The following NCKAP5 variants were observed in gnomAD, a reference collection of about 807,000 sequenced individuals.
The protein encoded by NCKAP5 is NCK associated protein 5.
A neutral mutation model predicts 167.0 loss-of-function variants in NCKAP5; 92 were observed. That is an observed-to-expected ratio of 0.55 (90% CI 0.47 to 0.66). NCKAP5 has a LOEUF of 0.66. NCKAP5 is among the 30% of genes least tolerant of loss of function. The pLI is 0.00. For missense variants in NCKAP5, 2,378 were observed against 2,315.0 expected (o/e 1.03, Z -0.56); for synonymous variants, 891 against 877.4 (o/e 1.02, Z -0.27).
chr2:133,207,156 C>G (rs1170291641), intron 5 of NCKAP5, among the ~76,000 whole-genome samples: 2 of 152,052 alleles, frequency 1.3e-5, no homozygotes, highest in Non-Finnish European at 2.9e-5. Flanking sequence ...TTTAAAATCC[C>G]TAATAAAAAC....
At chr2:133,173,598 G>A (rs1039969011) in intron 5 of NCKAP5, among the ~76,000 whole-genome samples, 21 of 151,848 alleles carry the variant, frequency 1.4e-4, no homozygotes, top group African/African-American at 4.8e-4. Context: ...CCACCCACTG[G>A]TCCCCCTAAC....
chr2:133,200,662 A>T (rs1419078320), intron 5 of NCKAP5, among the ~76,000 whole-genome samples: 1 of 152,214 alleles, frequency 6.6e-6, no homozygotes, highest in Non-Finnish European at 1.5e-5. Context: ...CAATATCAAG[A>T]AAGCTAAAAG....
At chr2:133,343,488 A>G (rs563804353) in intron 3 of NCKAP5, among the ~76,000 whole-genome samples, 1 of 152,292 alleles carries the variant, frequency 6.6e-6, no homozygotes, top group South Asian at 2.1e-4. Flanking sequence ...AGTATAAGGC[A>G]AATATAAAAG....
At chr2:132,942,986 C>G (rs1249553011) in intron 8 of NCKAP5, among the ~76,000 whole-genome samples, 1 of 152,212 alleles carries the variant, frequency 6.6e-6, no homozygotes, top group African/African-American at 2.4e-5. Flanking sequence ...ATTCAGGAAT[C>G]TGATGATCTC....
intron 6 of NCKAP5, among the ~76,000 whole-genome samples, chr2:133,062,698 T>A (rs1017960711): frequency 3.9e-5 from 6 of 152,206 alleles, no homozygotes; most frequent in Non-Finnish European, 7.3e-5. Flanking sequence ...AAAATATATT[T>A]AAAAGATAGT....
At chr2:133,016,169 C>T (rs1445645793) in intron 6 of NCKAP5, among the ~76,000 whole-genome samples, 1 of 152,156 alleles carries the variant, frequency 6.6e-6, no homozygotes, top group Non-Finnish European at 1.5e-5. Context: ...TAGCCCCATG[C>T]TCCGCAGTAA....
At chr2:132,725,491 G>C (rs991181091) in intron 19 of NCKAP5, 136 bp downstream of exon 19, 62 of 1,115,284 alleles carry the variant, frequency 5.6e-5, no homozygotes, top group Non-Finnish European at 7.7e-5. Context: ...GTATGTACCA[G>C]AAAATTAGAT....
intron 6 of NCKAP5, among the ~76,000 whole-genome samples, chr2:133,126,370 A>G (rs2082404907): frequency 1.3e-5 from 2 of 152,234 alleles, no homozygotes; most frequent in South Asian, 4.1e-4. Context: ...TCATAGTATT[A>G]GAAAAGCACA....
intron 15 of NCKAP5, among the ~76,000 whole-genome samples, chr2:132,774,644 G>C (rs527417232): frequency 6.6e-6 from 1 of 152,328 alleles, no homozygotes; most frequent in South Asian, 2.1e-4. Context: ...TGGCACAAAT[G>C]CAGTAAGTGG....
intron 3 of NCKAP5, among the ~76,000 whole-genome samples, chr2:133,418,759 CAG>C (rs1689281425): frequency 1.3e-5 from 2 of 152,152 alleles, no homozygotes; most frequent in Non-Finnish European, 2.9e-5. Context: ...CTTCAAATAA[CAG>C]AACTAGAAAA....
chr2:133,527,691 A>G lies in NCKAP5; in HGVS notation c.-61-10104T>C, dbSNP rs552211269. On this transcript the variant is annotated intron_variant, in intron 2 of 19. Transcript: ENST00000409261. ...TATGAGAAAAATCTCTAAGATGTTT[A>G]TCTTTTTCTACTCAATGATTTAATT... 5.8e-4 allele frequency among the ~76,000 whole-genome samples: 89 copies of G among 152,320 alleles called. 4 individuals are homozygous for G. In the South Asian group the frequency reaches 0.018, roughly 31 times the overall value.
intron 8 of NCKAP5, among the ~76,000 whole-genome samples, chr2:132,948,133 T>A (rs1574733070): frequency 6.6e-6 from 1 of 152,008 alleles, no homozygotes; most frequent in African/African-American, 2.4e-5. Flanking sequence ...ATGATGACAG[T>A]TTTTTTTATC....
intron 11 of NCKAP5, among the ~76,000 whole-genome samples, chr2:132,846,320 G>A (rs1688658434): frequency 6.6e-6 from 1 of 151,938 alleles, no homozygotes; most frequent in African/African-American, 2.4e-5. Context: ...ATTATTTCAT[G>A]GTGACTCTTT....
At chr2:133,207,502 G>T (rs1168237256) in intron 5 of NCKAP5, among the ~76,000 whole-genome samples, 1 of 152,154 alleles carries the variant, frequency 6.6e-6, no homozygotes, top group Non-Finnish European at 1.5e-5. Flanking sequence ...CAAGATCTTG[G>T]TTTCAAATAA....
At chr2:133,152,550 T>C (rs1369576020) in intron 5 of NCKAP5, among the ~76,000 whole-genome samples, 2 of 152,120 alleles carry the variant, frequency 1.3e-5, no homozygotes, top group Non-Finnish European at 2.9e-5. Context: ...TTTCTCCCAT[T>C]CAGATGAATG....
intron 2 of NCKAP5, among the ~76,000 whole-genome samples, chr2:133,529,193 G>T (rs1314571556): frequency 1.3e-5 from 2 of 151,970 alleles, no homozygotes; most frequent in Non-Finnish European, 2.9e-5. Flanking sequence ...CTTTGTAAAA[G>T]ATATAAGCTA....
At chr2:133,523,321 C>G (rs567258044) in intron 2 of NCKAP5, among the ~76,000 whole-genome samples, 4 of 151,820 alleles carry the variant, frequency 2.6e-5, no homozygotes, top group African/African-American at 9.6e-5. Flanking sequence ...CACACACACA[C>G]ACACATACTC....
chr2:133,159,509 T>C (rs2083703087), intron 5 of NCKAP5, among the ~76,000 whole-genome samples: 1 of 152,080 alleles, frequency 6.6e-6, no homozygotes, highest in African/African-American at 2.4e-5. Flanking sequence ...ATGGCAGCAA[T>C]AGGAAACTAA....
At chr2:133,403,717 T>C (rs1559456568) in intron 3 of NCKAP5, among the ~76,000 whole-genome samples, 1 of 152,196 alleles carries the variant, frequency 6.6e-6, no homozygotes, top group Non-Finnish European at 1.5e-5. Flanking sequence ...TTGGGCACGT[T>C]TCCTGTGATG....
Sources: gnomAD v4.1 joint callset for allele counts (sites outside exome capture counted in the v4.1 genomes callset) on GRCh38, gnomAD v4.1.1 for gene constraint, MANE v1.5 for transcripts, NCBI Gene and HGNC (gene_info 2026-07-23, HGNC 2026-07-21) for gene names.